Variants in MYRIP observed in about 807,000 individuals in gnomAD.
MYRIP encodes rab effector MyRIP.
A neutral mutation model predicts 98.0 loss-of-function variants in MYRIP; 49 were observed. The ratio of observed to expected loss-of-function variants is 0.50; its 90% CI spans 0.40 to 0.63. The LOEUF (loss-of-function observed/expected upper bound fraction) is 0.63, where lower values mean the gene tolerates loss of function less well. MYRIP is among the 30% of genes least tolerant of loss of function. The probability of loss-of-function intolerance (pLI) is 0.00; values close to 1 mark genes in which losing one functional copy is unlikely to be tolerated. For synonymous variants in MYRIP, 404 were observed against 409.5 expected (o/e 0.99, Z 0.16); for missense variants, 1,004 against 1,058.2 (o/e 0.95, Z 0.71).
chr3:40,146,008 A>G (rs1459912837), intron 3 of MYRIP, among the ~76,000 whole-genome samples: 1 of 152,282 alleles, frequency 6.6e-6, no homozygotes, highest in Non-Finnish European at 1.5e-5. Context: ...TAGGAGTGGG[A>G]AAAAAATGTC....
rs537954852 is a variant in MYRIP, at chr3:39,887,003, T to C, written c.-30-13784T>C. ...TAACAAACTGTCTCTCAGACCACAGTGCAATCAAACTAGAACTCAGGATTA... is the reference window on the plus strand; with the variant it reads ...TAACAAACTGTCTCTCAGACCACAGCGCAATCAAACTAGAACTCAGGATTA... On this transcript the variant is annotated intron_variant, in intron 1 of 16. Coordinates refer to ENST00000302541, the MANE Select transcript of MYRIP (RefSeq NM_015460.4). Among the ~76,000 whole-genome samples, 232 of 151,776 alleles carry C rather than the reference T, an allele frequency of 1.5e-3. 1 individual carries two copies. Among genetic ancestry groups the C allele is most frequent in the African/African-American group, 5.5e-3 (226 of 41,456 alleles).
intron 10 of MYRIP, among the ~76,000 whole-genome samples, chr3:40,201,430 T>TA (rs1482926992): frequency 5.3e-5 from 8 of 151,270 alleles, no homozygotes; most frequent in African/African-American, 1.7e-4. Context: ...ATCAATGTAA[T>TA]ATGAAGGACT....
chr3:39,925,157 A>G (rs1267021700), intron 2 of MYRIP, among the ~76,000 whole-genome samples: 1 of 151,870 alleles, frequency 6.6e-6, no homozygotes, highest in Non-Finnish European at 1.5e-5. Context: ...AATAAATGAA[A>G]CAAAGTCTGG....
At chr3:39,969,669 A>C (rs1945528974) in intron 2 of MYRIP, among the ~76,000 whole-genome samples, 1 of 152,134 alleles carries the variant, frequency 6.6e-6, no homozygotes. Context: ...TTGGGGATGA[A>C]GCCTACTTGA....
chr3:40,237,323 A>T (rs926100718), intron 12 of MYRIP, among the ~76,000 whole-genome samples: 3 of 151,920 alleles, frequency 2.0e-5, no homozygotes, highest in Non-Finnish European at 4.4e-5. Context: ...TGACATTTGG[A>T]TTAGGTAATT....
chr3:40,007,342 TTA>T (rs958090586), intron 2 of MYRIP, among the ~76,000 whole-genome samples: 1 of 89,110 alleles, frequency 1.1e-5, no homozygotes, highest in Non-Finnish European at 2.5e-5. Context: ...TAAATATATG[TTA>T]AAAAAAAAAA....
At chr3:40,077,988 G>T (rs893511650) in intron 3 of MYRIP, among the ~76,000 whole-genome samples, 2 of 152,240 alleles carry the variant, frequency 1.3e-5, no homozygotes, top group Admixed American at 6.5e-5. Context: ...GGTGGCGCTC[G>T]TTGGGGAGGG....
rs147655554 is a variant in MYRIP, at chr3:40,093,896, G to A, written c.332+49625G>A. 8.5e-4 allele frequency among the ~76,000 whole-genome samples: 130 copies of A among 152,306 alleles called. 1 individual carries two copies. The East Asian group carries it at 0.023, about 27-fold the overall frequency. On this transcript the variant is annotated intron_variant, in intron 3 of 16. Coordinates refer to ENST00000302541, the MANE Select transcript of MYRIP (RefSeq NM_015460.4). ...ACTCCATAACATCCAATGAAGGCCT[G>A]CAGGGTTGGCCCACCAGCTTTTCCA...
intron 3 of MYRIP, among the ~76,000 whole-genome samples, chr3:40,064,067 C>G (rs1408622521): frequency 6.6e-6 from 1 of 152,022 alleles, no homozygotes; most frequent in East Asian, 1.9e-4. Flanking sequence ...CAAGTTTAGG[C>G]AAGACTAACT....
chr3:40,108,415 G>A (rs1371301647), intron 3 of MYRIP, among the ~76,000 whole-genome samples: 1 of 150,078 alleles, frequency 6.7e-6, no homozygotes, highest in Non-Finnish European at 1.5e-5. Context: ...GCATGACCCT[G>A]GGGTGACTCC....
At chr3:40,156,910 T>C (rs976034003) in intron 4 of MYRIP, among the ~76,000 whole-genome samples, 44 of 151,954 alleles carry the variant, frequency 2.9e-4, no homozygotes, top group Non-Finnish European at 3.2e-4. Flanking sequence ...ACAATGGGGT[T>C]TTCTAGATAT....
chr3:39,961,696 A>G (rs886666069), intron 2 of MYRIP, among the ~76,000 whole-genome samples: 8 of 152,136 alleles, frequency 5.3e-5, no homozygotes, highest in African/African-American at 1.7e-4. Context: ...TAATGTCAGA[A>G]GACCACAAAA....
At chr3:39,828,691 C>T (rs1265672749) in intron 1 of MYRIP, among the ~76,000 whole-genome samples, 1 of 152,190 alleles carries the variant, frequency 6.6e-6, no homozygotes, top group African/African-American at 2.4e-5. Context: ...TTTGCATCCT[C>T]ATAGCTTAGC....
At chr3:39,921,055 A>G (rs1168601850) in intron 2 of MYRIP, among the ~76,000 whole-genome samples, 1 of 152,166 alleles carries the variant, frequency 6.6e-6, no homozygotes, top group African/African-American at 2.4e-5. Context: ...CTTGAATTTT[A>G]TGCCTCCCCT....
In MYRIP at chr3:39,990,777, A is replaced by G. The variant is rs1052270676; in HGVS notation, c.111-53273A>G. Reference sequence around the variant, plus strand: ...CAGGGCTGCCCTCTAGTGGACTCTGAATGCATGTTCATTGAGGATAATAGG... The same window carrying G: ...CAGGGCTGCCCTCTAGTGGACTCTGGATGCATGTTCATTGAGGATAATAGG... On this transcript the variant is annotated intron_variant, in intron 2 of 16. Coordinates refer to ENST00000302541, the MANE Select transcript of MYRIP (RefSeq NM_015460.4). Among the ~76,000 whole-genome samples the G allele has an allele frequency of 1.4e-4, 22 of 152,304 alleles. 1 individual carries two copies. The highest frequency in any genetic ancestry group is 9.8e-4 in the Admixed American group (15 of 15,288).
chr3:40,182,304 C>A lies in MYRIP; in HGVS notation c.958C>A (p.Gln320Lys). 1 of 1,614,000 alleles carries A rather than the reference C, an allele frequency of 6.2e-7. No homozygotes were observed. Among genetic ancestry groups the A allele is most frequent in the South Asian group, 1.1e-5 (1 of 91,042 alleles). ...GGCTCCATCGAGGCAGCCAAGGGAC[C>A]AAGGCCAACACCCGAGAGCAGAGTC... ...VEAPSRQPRD[Q>K]GQHPRAESAL... Residue 320 changes from glutamine (Q) to lysine (K), a missense_variant, in exon 9 of 17, where the codon CAA becomes AAA. Transcript: ENST00000302541.
intron 3 of MYRIP, among the ~76,000 whole-genome samples, chr3:40,068,554 C>T (rs1214321539): frequency 2.0e-5 from 3 of 152,120 alleles, no homozygotes; most frequent in Admixed American, 6.6e-5. Context: ...CAATTCTATA[C>T]AAAATACTGT....
intron 9 of MYRIP, among the ~76,000 whole-genome samples, chr3:40,185,348 G>C (rs950219504): frequency 5.1e-4 from 77 of 152,234 alleles, no homozygotes; most frequent in African/African-American, 1.7e-3. Flanking sequence ...TGTATATGCT[G>C]CGTGTGTTCA....
intron 1 of MYRIP, among the ~76,000 whole-genome samples, chr3:39,878,087 T>C (rs1186001547): frequency 2.6e-5 from 4 of 152,230 alleles, no homozygotes; most frequent in African/African-American, 9.6e-5. Flanking sequence ...CACCTTGCAG[T>C]TTGATCTCAG....
Sources: allele counts gnomAD v4.1 joint callset (sites outside exome capture counted in the v4.1 genomes callset), GRCh38; gene constraint gnomAD v4.1.1; transcripts MANE v1.5; gene names NCBI Gene and HGNC (gene_info 2026-07-23, HGNC 2026-07-21).